Variants in MTMR3 observed in about 807,000 individuals in gnomAD.
The protein encoded by MTMR3 is myotubularin related protein 3.
Under a neutral mutation model 132.4 loss-of-function variants are expected in MTMR3, and 32 were observed. That is an observed-to-expected ratio of 0.24 (90% CI 0.18 to 0.32). MTMR3 has a LOEUF of 0.32. Ranked by LOEUF, MTMR3 falls within the 10% of genes least tolerant of loss-of-function variation. The probability of loss-of-function intolerance (pLI) is 1.00; values close to 1 mark genes in which losing one functional copy is unlikely to be tolerated. For synonymous variants in MTMR3, 556 were observed against 550.3 expected (o/e 1.01, Z -0.14); for missense variants, 1,216 against 1,489.6 (o/e 0.82, Z 3.02).
chr22:29,900,974 A>C (rs2064993276), intron 1 of MTMR3, among the ~76,000 whole-genome samples: 1 of 152,340 alleles, frequency 6.6e-6, no homozygotes, highest in South Asian at 2.1e-4. Flanking sequence ...GGTGTGAGCC[A>C]CTGCGTCCGG....
intron 1 of MTMR3, among the ~76,000 whole-genome samples, chr22:29,947,842 T>C (rs1304324689): frequency 6.6e-6 from 1 of 152,110 alleles, no homozygotes; most frequent in Non-Finnish European, 1.5e-5. Context: ...AAAAGGTGGG[T>C]CTTTTCTGGG....
rs777812280 is a variant in MTMR3, at chr22:30,020,579, C to T, written c.2920C>T (p.Leu974=). Residue 974 remains leucine, a synonymous_variant, in exon 17 of 20, where the codon CTG becomes TTG. Transcript: ENST00000401950. ...GAGCAAGGACTCACTGAGCCGTCAGCTGTCTGCTATGAGCTGCAGCTCTGC... is the reference window on the plus strand; with the variant it reads ...GAGCAAGGACTCACTGAGCCGTCAGTTGTCTGCTATGAGCTGCAGCTCTGC... ...GRSKDSLSRQ[L]SAMSCSSAHL... is the part of the protein sequence containing the mutation. The T allele has an allele frequency of 1.2e-5, 19 of 1,614,234 alleles. No individual in the cohort carries two copies. Among genetic ancestry groups the T allele is most frequent in the Non-Finnish European group, 1.6e-5 (19 of 1,180,048 alleles).
intron 1 of MTMR3, among the ~76,000 whole-genome samples, chr22:29,956,367 CT>C (rs1323166804): frequency 6.6e-6 from 1 of 152,092 alleles, no homozygotes; most frequent in Non-Finnish European, 1.5e-5. Context: ...CTGCCTCAGC[CT>C]CCTGAATAGC....
chr22:29,939,041 C>G (rs2065805375), intron 1 of MTMR3, among the ~76,000 whole-genome samples: 1 of 151,906 alleles, frequency 6.6e-6, no homozygotes, highest in South Asian at 2.1e-4. Flanking sequence ...AGGCTGGTCT[C>G]GAACTCCTGA....
chr22:30,003,055 C>A, intron 9 of MTMR3, 62 bp downstream of exon 9: 1 of 1,277,036 alleles, frequency 7.8e-7, no homozygotes, highest in Non-Finnish European at 1.1e-6. Flanking sequence ...ATATGGTCTG[C>A]TGCCTCTGCT....
rs762818493 is a variant in MTMR3, at chr22:30,020,875, G to A, written c.3216G>A (p.Gly1072=). ...CCCTACACTTTAATGGAGACTTTGG[G>A]GATGAGGTGGTGAGTAGGCTGTGGT... is the stretch of plus-strand genomic sequence containing the variant. The part of the protein sequence containing the change: ...TSSLHFNGDF[G]DEVTSIPDSE... The change falls in exon 17 of 20, where the codon GGG becomes GGA. Residue 1072 remains glycine (G), a synonymous_variant. Transcript: ENST00000401950. 4 of 1,586,994 alleles carry A rather than the reference G, an allele frequency of 2.5e-6. No homozygotes were observed. The South Asian group carries it at 4.5e-5, about 18-fold the overall frequency.
chr22:29,895,623 A>G (rs992577474), intron 1 of MTMR3, among the ~76,000 whole-genome samples: 3 of 152,122 alleles, frequency 2.0e-5, no homozygotes, highest in Non-Finnish European at 4.4e-5. Flanking sequence ...GTGGTTGTGG[A>G]GAAGAATTGG....
At chr22:29,923,230 ATTTTTAT>A (rs890001355) in intron 1 of MTMR3, among the ~76,000 whole-genome samples, 8 of 145,794 alleles carry the variant, frequency 5.5e-5, no homozygotes, top group African/African-American at 2.0e-4. Context: ...TTTTTTTTTT[ATTTTTAT>A]TTTTTATTTT....
At chr22:29,972,348 T>C (rs1354146670) in intron 3 of MTMR3, among the ~76,000 whole-genome samples, 2 of 152,156 alleles carry the variant, frequency 1.3e-5, no homozygotes, top group African/African-American at 2.4e-5. Context: ...CTCTTCCTGG[T>C]GCTGCTGGGT....
chr22:29,992,668 G>A (rs1010512676), intron 7 of MTMR3: 3 of 152,074 alleles, frequency 2.0e-5, no homozygotes, highest in Non-Finnish European at 2.9e-5. Context: ...GTTTACTCTT[G>A]GGACTTTTTT....
At chr22:29,912,761 T>C (rs1301785160) in intron 1 of MTMR3, among the ~76,000 whole-genome samples, 4 of 152,220 alleles carry the variant, frequency 2.6e-5, no homozygotes, top group African/African-American at 9.7e-5. Flanking sequence ...TATGAAGGAC[T>C]TTTAAATATT....
chr22:29,915,184 C>T (rs770477028), intron 1 of MTMR3, among the ~76,000 whole-genome samples: 6 of 152,072 alleles, frequency 3.9e-5, no homozygotes, highest in South Asian at 2.1e-4. Flanking sequence ...ATTGTTATGT[C>T]TTCTCAGTAA....
chr22:29,964,370 A>T, intron 2 of MTMR3, among the ~76,000 whole-genome samples: 1 of 152,132 alleles, frequency 6.6e-6, no homozygotes. Context: ...TAATACCCAG[A>T]GTGGTCTAAT....
At chr22:29,985,906 G>A (rs902314089) in intron 5 of MTMR3, 3 of 152,152 alleles carry the variant, frequency 2.0e-5, no homozygotes, top group African/African-American at 7.2e-5. Context: ...ATTTGGGCAC[G>A]GGCCATTGGG....
intron 1 of MTMR3, among the ~76,000 whole-genome samples, chr22:29,932,793 T>G (rs1436897414): frequency 6.6e-6 from 1 of 152,184 alleles, no homozygotes; most frequent in African/African-American, 2.4e-5. Context: ...ATAATAGTTA[T>G]AGAAATAATA....
intron 1 of MTMR3, among the ~76,000 whole-genome samples, chr22:29,906,593 C>T (rs1012449572): frequency 2.6e-5 from 4 of 152,052 alleles, no homozygotes; most frequent in Non-Finnish European, 4.4e-5. Context: ...CCCTCGGCCT[C>T]CCGAAGTGCT....
At chr22:29,950,553 G>A (rs1237402163) in intron 1 of MTMR3, among the ~76,000 whole-genome samples, 2 of 151,730 alleles carry the variant, frequency 1.3e-5, no homozygotes, top group Admixed American at 1.3e-4. Flanking sequence ...TAGTAGAGAC[G>A]GGGTTTCACC....
intron 1 of MTMR3, among the ~76,000 whole-genome samples, chr22:29,895,307 T>C (rs1781444485): frequency 6.6e-6 from 1 of 152,058 alleles, no homozygotes; most frequent in Non-Finnish European, 1.5e-5. Flanking sequence ...TAAATCATTG[T>C]AACTAGGCCC....
At chr22:29,935,292 C>G (rs2145798432) in intron 1 of MTMR3, among the ~76,000 whole-genome samples, 2 of 152,242 alleles carry the variant, frequency 1.3e-5, no homozygotes, top group Middle Eastern at 6.8e-3. Context: ...TCACTTAATT[C>G]TCACAGTAAC....
Sources: allele counts gnomAD v4.1 joint callset (sites outside exome capture counted in the v4.1 genomes callset), GRCh38; gene constraint gnomAD v4.1.1; transcripts MANE v1.5; gene names NCBI Gene and HGNC (gene_info 2026-07-23, HGNC 2026-07-21).